ERC1: variants seen among roughly 807,000 people sequenced by gnomAD.
ERC1 encodes RAB6 interacting protein 2.
In ERC1, 56 loss-of-function variants were observed where a neutral mutation model predicts 132.0. The ratio of observed to expected loss-of-function variants is 0.42; its 90% confidence interval spans 0.34 to 0.53. The LOEUF (loss-of-function observed/expected upper bound fraction) is 0.53. ERC1 is among the 20% of genes least tolerant of loss of function. ERC1 has a pLI of 0.03. For synonymous variants in ERC1, 478 were observed against 476.1 expected (o/e 1.00, Z -0.05); for missense variants, 1,202 against 1,349.9 (o/e 0.89, Z 1.72).
In ERC1 at chr12:1,190,842, AG is replaced by A. The variant is rs997238319; in HGVS notation, c.2351+794del. ...GCCAGAAAGACTGACAGTGACAGAA[AG>A]GGGTCACTAATCTACTTGGCCTTTT... is the stretch of plus-strand genomic sequence containing the variant. On this transcript the variant is annotated intron_variant, in intron 12 of 18. Transcript: ENST00000360905. 2.7e-4 allele frequency among the ~76,000 whole-genome samples: 41 copies of A among 152,186 alleles called. 2 individuals are homozygous for A. The highest frequency in any genetic ancestry group is 2.5e-3 in the Admixed American group (38 of 15,256).
At chr12:1,050,518 G>T (rs1478127008) in intron 2 of ERC1, among the ~76,000 whole-genome samples, 27 of 152,126 alleles carry the variant, frequency 1.8e-4, no homozygotes. Flanking sequence ...ACTGCTGGGG[G>T]AAGGCTCAGG....
intron 18 of ERC1, among the ~76,000 whole-genome samples, chr12:1,458,003 T>C (rs748994739): frequency 6.6e-5 from 10 of 152,248 alleles, no homozygotes; most frequent in Non-Finnish European, 1.3e-4. Context: ...AGTGTTCAAC[T>C]GATATAGCCA....
chr12:1,330,162 A>T (rs1362580569), intron 15 of ERC1, among the ~76,000 whole-genome samples: 1 of 152,222 alleles, frequency 6.6e-6, no homozygotes, highest in Non-Finnish European at 1.5e-5. Context: ...TAAACAACAT[A>T]ATACACGACA....
chr12:1,323,384 T>G (rs2082243945), intron 15 of ERC1, among the ~76,000 whole-genome samples: 1 of 152,206 alleles, frequency 6.6e-6, no homozygotes, highest in Admixed American at 6.5e-5. Context: ...GGAAAATAAC[T>G]TCTTACATTT....
At chr12:1,471,737 AAAC>A (rs776944630) in intron 18 of ERC1, among the ~76,000 whole-genome samples, 5 of 152,204 alleles carry the variant, frequency 3.3e-5, no homozygotes, top group Non-Finnish European at 7.3e-5. Context: ...AAAGAATAAT[AAAC>A]AACTGTGAGT....
intron 14 of ERC1, among the ~76,000 whole-genome samples, chr12:1,283,716 A>G (rs373097692): frequency 6.6e-6 from 1 of 152,256 alleles, no homozygotes; most frequent in Non-Finnish European, 1.5e-5. Flanking sequence ...AAATTAAGCA[A>G]TCTTTAAGAA....
chr12:1,132,145 C>A (rs577550205), intron 7 of ERC1, among the ~76,000 whole-genome samples: 2 of 152,270 alleles, frequency 1.3e-5, no homozygotes, highest in Admixed American at 1.3e-4. Flanking sequence ...AGCAATTAAT[C>A]TGGTAGTAGC....
At chr12:1,475,189 C>T (rs143258867) in intron 18 of ERC1, among the ~76,000 whole-genome samples, 4 of 152,330 alleles carry the variant, frequency 2.6e-5, no homozygotes, top group African/African-American at 7.2e-5. Context: ...GCCCTGCTGT[C>T]TACCAAAGGG....
In ERC1 at chr12:1,492,199, T is replaced by G. The variant is rs1245325145; in HGVS notation, c.*1969T>G. On this transcript the variant is annotated 3_prime_UTR_variant, in exon 19 of 19. Transcript: ENST00000360905. ...ATAAACCTCTTACTGAGATGCTTCC[T>G]GATAGCCAGGCTGGCCAGAGAGGGG... 3 of 233,080 alleles carry G rather than the reference T, an allele frequency of 1.3e-5. No individual in the cohort carries two copies. Among genetic ancestry groups the G allele is most frequent in the Admixed American group, 5.6e-5 (1 of 17,770 alleles). 14.4% of individuals were successfully genotyped at this position (233,080 alleles called of 1,614,324 possible). A position where few individuals can be genotyped will look rare whatever the true frequency, so the allele number is the denominator to read the frequency against.
intron 14 of ERC1, among the ~76,000 whole-genome samples, chr12:1,276,987 T>A (rs1023325653): frequency 2.6e-5 from 4 of 152,380 alleles, no homozygotes; most frequent in Admixed American, 6.5e-5. Context: ...GAATTGTAGA[T>A]TTAAAGAATT....
chr12:1,438,348 T>G (rs1299216682), intron 17 of ERC1, among the ~76,000 whole-genome samples: 2 of 152,248 alleles, frequency 1.3e-5, no homozygotes, highest in Non-Finnish European at 2.9e-5. Flanking sequence ...AGAATGCCAT[T>G]CTAAGATGAT....
intron 15 of ERC1, among the ~76,000 whole-genome samples, chr12:1,303,036 G>T (rs2080529999): frequency 6.6e-6 from 1 of 152,120 alleles, no homozygotes; most frequent in Admixed American, 6.5e-5. Flanking sequence ...TAAAAAATGT[G>T]CATACTTTAA....
chr12:1,048,888 C>T (rs758346469), intron 2 of ERC1, among the ~76,000 whole-genome samples: 6 of 152,152 alleles, frequency 3.9e-5, no homozygotes, highest in Non-Finnish European at 7.3e-5. Flanking sequence ...TGGTATTGAA[C>T]TTGTGATTGC....
chr12:1,036,374 CTT>C (rs759834824), intron 2 of ERC1, among the ~76,000 whole-genome samples: 22 of 136,138 alleles, frequency 1.6e-4, no homozygotes, highest in Admixed American at 2.2e-4. Flanking sequence ...ATTAAATAAA[CTT>C]TTTTTTTTTT....
intron 2 of ERC1, among the ~76,000 whole-genome samples, chr12:1,065,480 T>TTTTGTG: frequency 8.0e-6 from 1 of 125,014 alleles, no homozygotes; most frequent in East Asian, 2.7e-4. Flanking sequence ...TTTGTACCGT[T>TTTTGTG]TGTGTGTGTG....
rs1319086045 is a variant in ERC1, at chr12:1,417,823, AC to A, written c.3024+9577del. ...AGATTTTGGAAAAGAGTTATTTTTG[AC>A]AAAGGCATTGGGAAATAAAGAGTAA... On this transcript the variant is annotated intron_variant, in intron 17 of 18. Transcript: ENST00000360905. Among the ~76,000 whole-genome samples, 38 of 152,070 alleles carry A rather than the reference AC, an allele frequency of 2.5e-4. 1 individual carries two copies. The highest frequency in any genetic ancestry group is 8.7e-4 in the African/African-American group (36 of 41,492).
chr12:1,106,078 G>A (rs898104062), intron 4 of ERC1, among the ~76,000 whole-genome samples: 1 of 152,134 alleles, frequency 6.6e-6, no homozygotes, highest in African/African-American at 2.4e-5. Flanking sequence ...TAAACTCCCT[G>A]GATTCAAAAT....
At chr12:1,412,703 G>A (rs1187040526) in intron 17 of ERC1, among the ~76,000 whole-genome samples, 2 of 152,128 alleles carry the variant, frequency 1.3e-5, no homozygotes, top group African/African-American at 4.8e-5. Flanking sequence ...TAAACTCCCT[G>A]AGCCCCAGTT....
At chr12:1,456,554 A>G (rs2093540351) in intron 18 of ERC1, among the ~76,000 whole-genome samples, 1 of 152,138 alleles carries the variant, frequency 6.6e-6, no homozygotes, top group African/African-American at 2.4e-5. Context: ...AATATCTTGT[A>G]TACATTGAAG....
Sources: gnomAD v4.1 joint callset for allele counts (sites outside exome capture counted in the v4.1 genomes callset) on GRCh38, gnomAD v4.1.1 for gene constraint, MANE v1.5 for transcripts, NCBI Gene and HGNC (gene_info 2026-07-23, HGNC 2026-07-21) for gene names.